ADGRL3: variants seen among roughly 807,000 people sequenced by gnomAD.
ADGRL3 encodes adhesion G protein-coupled receptor L3, also known as calcium-independent alpha-latrotoxin receptor 3.
ADGRL3 carries 62 observed loss-of-function variants against 153.5 expected under a neutral mutation model. The ratio of observed to expected loss-of-function variants is 0.40; its 90% CI spans 0.33 to 0.50. The LOEUF (loss-of-function observed/expected upper bound fraction) is 0.50, where lower values mean the gene tolerates loss of function less well. Among genes scored for constraint, ADGRL3 ranks in the 20% least tolerant of loss-of-function variants. The pLI, the probability that ADGRL3 is intolerant of heterozygous loss-of-function variation, is 0.47. For synonymous variants in ADGRL3, 710 were observed against 672.5 expected (o/e 1.06, Z -0.86); for missense variants, 1,641 against 1,859.4 (o/e 0.88, Z 2.16).
chr4:61,765,702 C>T (rs1342331389), intron 8 of ADGRL3, among the ~76,000 whole-genome samples: 1 of 152,066 alleles, frequency 6.6e-6, no homozygotes, highest in Non-Finnish European at 1.5e-5. Context: ...TAGGAAAGGC[C>T]TCTACCTATC....
chr4:61,685,562 G>A (rs564576804), intron 6 of ADGRL3, among the ~76,000 whole-genome samples: 1 of 152,196 alleles, frequency 6.6e-6, no homozygotes, highest in East Asian at 1.9e-4. Context: ...CAAGAGTCTG[G>A]GGAAGAACTT....
intron 1 of ADGRL3, among the ~76,000 whole-genome samples, chr4:61,299,285 C>CTG (rs747726648): frequency 2.0e-5 from 3 of 152,118 alleles, no homozygotes; most frequent in Non-Finnish European, 4.4e-5. Flanking sequence ...CATAGTGAGG[C>CTG]TGTGTCAGGG....
At chr4:61,376,539 G>A (rs2096604919) in intron 1 of ADGRL3, among the ~76,000 whole-genome samples, 1 of 152,058 alleles carries the variant, frequency 6.6e-6, no homozygotes, top group South Asian at 2.1e-4. Flanking sequence ...TAATGCAGAA[G>A]TATTTAAAGG....
At chr4:61,643,565 G>C (rs1352524005) in intron 5 of ADGRL3, among the ~76,000 whole-genome samples, 1 of 151,284 alleles carries the variant, frequency 6.6e-6, no homozygotes, top group Admixed American at 6.6e-5. Context: ...TTTTGTCTTT[G>C]GTTCTGTTTA....
chr4:61,866,035 G>T (rs2098396924), intron 9 of ADGRL3, among the ~76,000 whole-genome samples: 1 of 152,038 alleles, frequency 6.6e-6, no homozygotes, highest in Non-Finnish European at 1.5e-5. Context: ...TCCTTTTTGT[G>T]CTCCTGGGAA....
At chr4:61,322,257 C>G (rs1466519918) in intron 1 of ADGRL3, among the ~76,000 whole-genome samples, 2 of 152,164 alleles carry the variant, frequency 1.3e-5, no homozygotes, top group Non-Finnish European at 2.9e-5. Flanking sequence ...CCCAACGGGT[C>G]CCTGCCACAA....
chr4:61,867,515 C>CATATATATTTAATTGTATAT (rs2098408195), intron 9 of ADGRL3, among the ~76,000 whole-genome samples: 1 of 81,140 alleles, frequency 1.2e-5, no homozygotes, highest in Non-Finnish European at 2.7e-5. Context: ...AATATATATG[C>CATATATATTTAATTGTATAT]ATATATATAT....
chr4:61,369,558 C>G (rs2096479561), intron 1 of ADGRL3, among the ~76,000 whole-genome samples: 1 of 152,084 alleles, frequency 6.6e-6, no homozygotes, highest in Non-Finnish European at 1.5e-5. Flanking sequence ...ATTGAGCCAG[C>G]CTTGCATCCC....
intron 1 of ADGRL3, among the ~76,000 whole-genome samples, chr4:61,255,166 A>G (rs1268631897): frequency 6.6e-6 from 1 of 152,170 alleles, no homozygotes; most frequent in Non-Finnish European, 1.5e-5. Context: ...GGGTTGGTTG[A>G]TATCCCGTTG....
At chr4:61,597,291 A>G (rs549367451) in intron 5 of ADGRL3, among the ~76,000 whole-genome samples, 1 of 152,284 alleles carries the variant, frequency 6.6e-6, no homozygotes, top group South Asian at 2.1e-4. Context: ...TAATAAAAAG[A>G]CAAGAAGGAG....
chr4:61,849,698 G>A (rs961137153), intron 9 of ADGRL3, among the ~76,000 whole-genome samples: 1 of 151,762 alleles, frequency 6.6e-6, no homozygotes, highest in Non-Finnish European at 1.5e-5. Flanking sequence ...TTATCTTTAG[G>A]TTAAATTTCC....
intron 15 of ADGRL3, among the ~76,000 whole-genome samples, chr4:61,939,214 C>G (rs148065181): frequency 6.6e-6 from 1 of 152,172 alleles, no homozygotes; most frequent in Admixed American, 6.5e-5. Context: ...ATTGTGAATT[C>G]TTGTGTGTTT....
At chr4:61,519,750 A>T (rs1375868191) in intron 4 of ADGRL3, among the ~76,000 whole-genome samples, 1 of 152,138 alleles carries the variant, frequency 6.6e-6, no homozygotes, top group African/African-American at 2.4e-5. Context: ...TGAACAAGAA[A>T]ATGTCAGTGA....
intron 1 of ADGRL3, among the ~76,000 whole-genome samples, chr4:61,222,224 A>G (rs1465676382): frequency 5.3e-5 from 8 of 152,232 alleles, no homozygotes; most frequent in Non-Finnish European, 1.2e-4. Context: ...TTGGGTCCCA[A>G]ACATAAAGCT....
chr4:61,612,389 G>C (rs1030944337), intron 5 of ADGRL3, among the ~76,000 whole-genome samples: 1 of 152,014 alleles, frequency 6.6e-6, no homozygotes, highest in Non-Finnish European at 1.5e-5. Context: ...ATAGTCAAAG[G>C]CTCACCAGCC....
chr4:62,000,955 T>G (rs1465729922), intron 21 of ADGRL3, among the ~76,000 whole-genome samples: 1 of 151,920 alleles, frequency 6.6e-6, no homozygotes. Context: ...CTAATTTTTT[T>G]GTGTTTTTTA....
At chr4:61,666,977 G>A (rs1341257361) in intron 5 of ADGRL3, among the ~76,000 whole-genome samples, 2 of 152,140 alleles carry the variant, frequency 1.3e-5, no homozygotes, top group Non-Finnish European at 2.9e-5. Flanking sequence ...CACTGGTACA[G>A]AAGCCAGGGC....
At chr4:61,851,283 A>G (rs554682660) in intron 9 of ADGRL3, among the ~76,000 whole-genome samples, 1 of 152,202 alleles carries the variant, frequency 6.6e-6, no homozygotes, top group African/African-American at 2.4e-5. Context: ...CATACTTAGA[A>G]TGTTAATAAA....
At chr4:61,871,152 C>T (rs778194402) in intron 9 of ADGRL3, among the ~76,000 whole-genome samples, 2 of 151,972 alleles carry the variant, frequency 1.3e-5, no homozygotes, top group Non-Finnish European at 2.9e-5. Flanking sequence ...GTGGCGAGTG[C>T]CTGCAGTCCC....
Sources: allele counts gnomAD v4.1 joint callset (sites outside exome capture counted in the v4.1 genomes callset), GRCh38; gene constraint gnomAD v4.1.1; transcripts MANE v1.5; gene names NCBI Gene and HGNC (gene_info 2026-07-23, HGNC 2026-07-21).